RAI1: variants seen among roughly 807,000 people sequenced by gnomAD.
RAI1 encodes retinoic acid-induced protein 1.
A neutral mutation model predicts 123.8 loss-of-function variants in RAI1; 9 were observed. That is an observed-to-expected ratio of 0.07 (90% CI 0.04 to 0.13). The LOEUF (loss-of-function observed/expected upper bound fraction) is 0.13. RAI1 is among the 10% of genes least tolerant of loss of function. The pLI, the probability that RAI1 is intolerant of heterozygous loss-of-function variation, is 1.00. For synonymous variants in RAI1, 1,231 were observed against 1,127.3 expected (o/e 1.09, Z -1.84); for missense variants, 2,256 against 2,545.8 (o/e 0.89, Z 2.45).
At position 17,794,192 on chromosome 17, in the gene RAI1, A is replaced by G; in HGVS notation, c.1244A>G (p.Lys415Arg). 1 of 1,613,694 alleles carries G rather than the reference A, an allele frequency of 6.2e-7. No homozygotes were observed. Among genetic ancestry groups the G allele is most frequent in the Non-Finnish European group, 8.5e-7 (1 of 1,180,042 alleles). Residue 415 changes from lysine (K) to arginine (R), a missense_variant, in exon 3 of 6, where the codon AAG becomes AGG. Lys to Arg is a conservative substitution (Grantham distance 26, BLOSUM62 2). Coordinates refer to ENST00000353383, the MANE Select transcript of RAI1 (RefSeq NM_030665.4). ...GTGGACACCCAGGCTGGCAACTGCA[A>G]GCCCCTTCAGAAGGACAAGCTCCCT... ...SSVDTQAGNC[K>R]PLQKDKLPEN...
At chr17:17,776,684 T>TTTTTTTC (rs2031358715) in intron 2 of RAI1, 1 of 90,958 alleles carries the variant, frequency 1.1e-5, no homozygotes, top group African/African-American at 3.5e-5. Flanking sequence ...TTTTTTTTTT[T>TTTTTTTC]TGAGAGAGGG....
chr17:17,695,548 C>T (rs1302793292), intron 1 of RAI1, among the ~76,000 whole-genome samples: 1 of 146,546 alleles, frequency 6.8e-6, no homozygotes, highest in Admixed American at 6.7e-5. Flanking sequence ...TTTTTTTGAG[C>T]TAGAGTCTCC....
intron 2 of RAI1, chr17:17,766,369 C>G (rs540007856): frequency 6.6e-6 from 1 of 152,308 alleles, no homozygotes; most frequent in South Asian, 2.1e-4. Context: ...TAAATTGTTT[C>G]AGCGCCTAAC....
intron 2 of RAI1, among the ~76,000 whole-genome samples, chr17:17,763,435 C>T (rs1042865917): frequency 3.9e-5 from 6 of 152,222 alleles, no homozygotes; most frequent in African/African-American, 7.2e-5. Flanking sequence ...GATACACGCC[C>T]GCCCTCAAGG....
chr17:17,734,438 T>C (rs1467599568), intron 2 of RAI1, among the ~76,000 whole-genome samples: 1 of 151,944 alleles, frequency 6.6e-6, no homozygotes, highest in Non-Finnish European at 1.5e-5. Context: ...AGCGAGACCT[T>C]GTCTCAAAAA....
chr17:17,782,661 A>T (rs1445167269), intron 2 of RAI1, among the ~76,000 whole-genome samples: 1 of 130,208 alleles, frequency 7.7e-6, no homozygotes, highest in Non-Finnish European at 1.6e-5. Flanking sequence ...GGACCGAAGC[A>T]TTAGAAGAAG....
intron 1 of RAI1, among the ~76,000 whole-genome samples, chr17:17,697,839 T>G (rs1450668627): frequency 6.6e-6 from 1 of 152,208 alleles, no homozygotes; most frequent in Non-Finnish European, 1.5e-5. Context: ...CCACAGCAGG[T>G]CACACGTTCT....
At chr17:17,694,650 C>T (rs917724791) in intron 1 of RAI1, among the ~76,000 whole-genome samples, 1 of 151,804 alleles carries the variant, frequency 6.6e-6, no homozygotes, top group African/African-American at 2.4e-5. Context: ...ACCATCTTGG[C>T]CGCGCCGGAG....
At chr17:17,779,139 A>G in intron 2 of RAI1, 1 of 345,522 alleles carries the variant, frequency 2.9e-6, no homozygotes, top group Admixed American at 3.9e-5. Context: ...AAGACAAGGC[A>G]TCAGCCGACA....
chr17:17,708,901 T>G (rs533158339), intron 1 of RAI1, among the ~76,000 whole-genome samples: 1 of 152,110 alleles, frequency 6.6e-6, no homozygotes, highest in South Asian at 2.1e-4. Flanking sequence ...GGGTTTGGAG[T>G]TGAACCCTGT....
chr17:17,734,696 A>G (rs140192554), intron 2 of RAI1, among the ~76,000 whole-genome samples: 30 of 152,218 alleles, frequency 2.0e-4, no homozygotes, highest in African/African-American at 6.7e-4. Flanking sequence ...CTGCTTTCCT[A>G]TGTGCGGGTC....
At chr17:17,804,612 T>C (rs974434181) in intron 4 of RAI1, among the ~76,000 whole-genome samples, 3 of 147,430 alleles carry the variant, frequency 2.0e-5, no homozygotes, top group Non-Finnish European at 3.0e-5. Context: ...TTGGGAGATA[T>C]GGGGCCAACT....
chr17:17,793,491 G>A lies in RAI1; in HGVS notation c.543G>A (p.Gln181=), dbSNP rs1350181498. The change falls in exon 3 of 6, where the codon CAG becomes CAA. Residue 181 remains glutamine (Q), a synonymous_variant. Transcript: ENST00000353383. ...LHVQQPPPPQ[Q]PLAYPKLQRQ... is the part of the protein sequence containing the mutation. Reference sequence around the variant, plus strand: ...TCCAGCAGCCACCGCCGCCCCAGCAGCCCCTGGCATACCCCAAGCTCCAAA... The same window carrying A: ...TCCAGCAGCCACCGCCGCCCCAGCAACCCCTGGCATACCCCAAGCTCCAAA... The A allele has an allele frequency of 1.2e-6, 2 of 1,613,840 alleles. No individual in the cohort carries two copies. Among genetic ancestry groups the A allele is most frequent in the African/African-American group, 1.3e-5 (1 of 74,920 alleles).
At position 17,795,549 on chromosome 17, in the gene RAI1, TGAG is replaced by T. The variant is rs2032204219; in HGVS notation, c.2608_2610del (p.Glu870del). The stretch of plus-strand genomic sequence containing the variant: ...CCAGCAGGAAGGAGGACCTGGAAGC[TGAG>T]GAGGAGTACTCCTCCCTATGTGAGC... On this transcript the variant is annotated inframe_deletion, in exon 3 of 6. Coordinates refer to ENST00000353383, the MANE Select transcript of RAI1 (RefSeq NM_030665.4). This position sits in a 1 kb window ranked among gnomAD's most constrained non-coding sequence, Gnocchi z 5.9. 2 of 1,607,316 alleles carry T rather than the reference TGAG, an allele frequency of 1.2e-6. No individual in the cohort carries two copies. Among genetic ancestry groups the T allele is most frequent in the South Asian group, 1.1e-5 (1 of 90,074 alleles).
chr17:17,789,926 C>T (rs915770533), intron 2 of RAI1, among the ~76,000 whole-genome samples: 2 of 152,068 alleles, frequency 1.3e-5, no homozygotes, highest in Non-Finnish European at 2.9e-5. Context: ...CTCTCACCAC[C>T]CCTTCTCCCT....
At chr17:17,770,696 G>C (rs2031121450) in intron 2 of RAI1, 1 of 152,258 alleles carries the variant, frequency 6.6e-6, no homozygotes, top group Admixed American at 6.5e-5. Context: ...CAGGCCCAAG[G>C]ACGCAGGCGG....
At position 17,803,794 on chromosome 17, in the gene RAI1, G is replaced by A. The variant is rs2032537535; in HGVS notation, c.5604G>A (p.Gly1868=). The A allele has an allele frequency of 3.7e-6, 6 of 1,613,310 alleles. No individual in the cohort carries two copies. The highest frequency in any genetic ancestry group is 1.7e-5 in the Admixed American group (1 of 60,008). ...GCCAAGAAGCCGGGGCCACCATTGG[G>A]TGCTGCCACAAAGGATGCCTCCACA... ...SSCQEAGATI[G]CCHKGCLHTY... is the part of the protein sequence containing the mutation. Residue 1868 remains glycine (G), a synonymous_variant, in exon 4 of 6, where the codon GGG becomes GGA. Transcript: ENST00000353383.
At chr17:17,682,241 C>T (rs1914451178) in intron 1 of RAI1, among the ~76,000 whole-genome samples, 1 of 151,940 alleles carries the variant, frequency 6.6e-6, no homozygotes, top group African/African-American at 2.4e-5. Flanking sequence ...GCTGACTTCC[C>T]CATGCGTGAC....
Position 17,796,362 on chromosome 17 carries a change from C to T in RAI1, c.3414C>T (p.Gly1138=), listed in dbSNP as rs768347025. Residue 1138 remains glycine (G), a synonymous_variant, in exon 3 of 6, where the codon GGC becomes GGT. Transcript: ENST00000353383. This position sits in a 1 kb window ranked among gnomAD's most constrained non-coding sequence, Gnocchi z 5.8. Reference sequence around the variant, plus strand: ...AGACAGACTCACCCAGCACGCCTGGCAAGGACCAGCGCTCCATGATCCTTC... The same window carrying T: ...AGACAGACTCACCCAGCACGCCTGGTAAGGACCAGCGCTCCATGATCCTTC... ...TKETDSPSTP[G]KDQRSMILRS... 3.7e-6 allele frequency: 6 copies of T among 1,613,670 alleles called. No homozygotes were observed. The highest frequency in any genetic ancestry group is 1.1e-5 in the South Asian group (1 of 91,088).
Sources: gnomAD v4.1 joint callset for allele counts (sites outside exome capture counted in the v4.1 genomes callset) on GRCh38, gnomAD v4.1.1 for gene constraint, Gnocchi (gnomAD v3.1) non-coding constraint, MANE v1.5 for transcripts, NCBI Gene and HGNC (gene_info 2026-07-23, HGNC 2026-07-21) for gene names.